The following BRI3 variants were observed in gnomAD, a reference collection of about 807,000 sequenced individuals.
The protein encoded by BRI3 is brain protein I3.
BRI3 carries 6 observed loss-of-function variants against 12.8 expected under a neutral mutation model. The observed-to-expected ratio is 0.47, with a 90% CI of 0.26 to 0.93. The LOEUF (loss-of-function observed/expected upper bound fraction) is 0.93. Ranked by LOEUF, BRI3 falls within the 40% of genes least tolerant of loss-of-function variation. The pLI is 0.15. For synonymous variants in BRI3, 91 were observed against 76.1 expected, an observed-to-expected ratio of 1.20 and a Z score of -1.02; for missense variants, 134 against 171.1, an observed-to-expected ratio of 0.78 and a Z score of 1.21.
Position 98,307,727 on chromosome 7 carries a change from C to A in BRI3, n.357C>A, listed in dbSNP as rs901977066. Reference sequence around the variant, plus strand: ...CGTGTTCTCCATAGAGCCAGCCATCCTTCTCCTCGGGGATGAGCAGCGTGA... The same window carrying A: ...CGTGTTCTCCATAGAGCCAGCCATCATTCTCCTCGGGGATGAGCAGCGTGA... On this transcript the variant is annotated non_coding_transcript_exon_variant, in exon 2 of 2. Coordinates refer to the BRI3 transcript ENST00000485422. The A allele has an allele frequency of 5.0e-6, 8 of 1,614,248 alleles. No homozygotes were observed. Among genetic ancestry groups the A allele is most frequent in the Non-Finnish European group, 5.9e-6 (7 of 1,180,052 alleles).
chr7:98,297,907 A>G (rs1009450807), downstream of BRI3, among the ~76,000 whole-genome samples: 1 of 152,206 alleles, frequency 6.6e-6, no homozygotes, highest in Non-Finnish European at 1.5e-5. Context: ...ATACTTCCTC[A>G]CTTGGAACTG....
At chr7:98,306,227 G>A (rs1345926106), upstream of BRI3, among the ~76,000 whole-genome samples, 1 of 152,142 alleles carries the variant, frequency 6.6e-6, no homozygotes, top group African/African-American at 2.4e-5. Flanking sequence ...CGAGGAGTAG[G>A]TGGCCTGGGC....
the BRI3 span, chr7:98,320,321 T>C: frequency 1.3e-6 from 2 of 1,545,854 alleles, no homozygotes; most frequent in South Asian, 2.4e-5. Context: ...CCAGATATGT[T>C]AGCGGGAAGC....
intron 1 of BRI3, among the ~76,000 whole-genome samples, chr7:98,300,633 C>CCCCGCTAT (rs1384858206): frequency 1.3e-5 from 2 of 152,112 alleles, no homozygotes; most frequent in African/African-American, 2.4e-5. Context: ...TTTCACGAGG[C>CCCCGCTAT]CCCGCTATCC....
At chr7:98,307,914 G>A in exon 2 of BRI3, 2 of 1,612,686 alleles carry the variant, frequency 1.2e-6, no homozygotes, top group Non-Finnish European at 1.7e-6. Context: ...AGGGAGTGTA[G>A]CAGTAATGGC....
downstream of BRI3, among the ~76,000 whole-genome samples, chr7:98,296,722 T>G (rs1441763004): frequency 6.6e-6 from 1 of 152,238 alleles, no homozygotes; most frequent in East Asian, 1.9e-4. Context: ...ATCTGCATGT[T>G]TCTCAGGGAC....
rs993443853 is a variant in BRI3, at chr7:98,281,992, C to G, written c.142+55C>G. Reference sequence around the variant, plus strand: ...CGGCTTCCGAGGTGGCAAGCCCGGTCGGGGGACGTGGGTCCGGAGGCGGGT... The same window carrying G: ...CGGCTTCCGAGGTGGCAAGCCCGGTGGGGGGACGTGGGTCCGGAGGCGGGT... On this transcript the variant is annotated intron_variant, in intron 1 of 2. Transcript: ENST00000297290. 1 of 1,291,100 alleles carries G rather than the reference C, an allele frequency of 7.7e-7. No individual in the cohort carries two copies. Among genetic ancestry groups the G allele is most frequent in the Non-Finnish European group, 9.8e-7 (1 of 1,021,210 alleles). 80.0% of individuals were successfully genotyped at this position (1,291,100 alleles called of 1,614,324 possible). A position where few individuals can be genotyped will look rare whatever the true frequency, so the allele number is the denominator to read the frequency against.
chr7:98,291,008 C>T (rs547621183), intron 2 of BRI3, 103 bp from the exon 3 acceptor site: 2 of 1,361,566 alleles, frequency 1.5e-6, no homozygotes, highest in African/African-American at 2.9e-5. Flanking sequence ...CCCCATGTGA[C>T]TCATGGCCAC....
exon 2 of BRI3, chr7:98,310,003 C>T (rs1352820084): frequency 6.3e-6 from 1 of 159,504 alleles, no homozygotes; most frequent in African/African-American, 2.4e-5. Flanking sequence ...GCAGGCACCA[C>T]CACGCCTGGC....
upstream of BRI3, among the ~76,000 whole-genome samples, chr7:98,303,660 C>T (rs148528539): frequency 3.4e-3 from 512 of 152,246 alleles, 3 homozygotes; most frequent in African/African-American, 0.012. Context: ...GAACTGGTTC[C>T]GGGAGCCCAG....
At chr7:98,292,420 T>C (rs556773670), downstream of BRI3, 2 of 565,316 alleles carry the variant, frequency 3.5e-6, no homozygotes, top group Admixed American at 3.1e-5. Context: ...GTGATCCCCC[T>C]GCCTCGGCCT....
downstream of BRI3, chr7:98,292,543 C>A: frequency 8.3e-7 from 1 of 1,211,586 alleles, no homozygotes; most frequent in Non-Finnish European, 1.2e-6. Flanking sequence ...CAGCCCCGGG[C>A]TCAGGGCAGC....
At chr7:98,292,389 A>G, downstream of BRI3, 1 of 479,102 alleles carries the variant, frequency 2.1e-6, no homozygotes. Context: ...TTGTATTTTT[A>G]GTAGAGACTC....
At chr7:98,315,523 G>C in the BRI3 span, 2 of 1,522,674 alleles carry the variant, frequency 1.3e-6, no homozygotes, top group Non-Finnish European at 1.8e-6. Flanking sequence ...GAAAGCAGAA[G>C]CGCCTCTTCT....
chr7:98,299,366 C>T (rs938128161), intron 1 of BRI3, among the ~76,000 whole-genome samples: 5 of 152,016 alleles, frequency 3.3e-5, no homozygotes, highest in African/African-American at 9.7e-5. Context: ...CTATATTGCC[C>T]AGGCTGATCT....
At chr7:98,310,480 G>T (rs1490041144), downstream of BRI3, 1 of 1,604,200 alleles carries the variant, frequency 6.2e-7, no homozygotes, top group Non-Finnish European at 8.5e-7. Flanking sequence ...ATTCGGGGCA[G>T]CCGTGGCTGG....
downstream of BRI3, among the ~76,000 whole-genome samples, chr7:98,294,956 C>G (rs1800123673): frequency 6.6e-6 from 1 of 152,218 alleles, no homozygotes; most frequent in South Asian, 2.1e-4. Context: ...GGGTTTAACA[C>G]TCTTTCCTGC....
chr7:98,293,587 G>A, downstream of BRI3: 1 of 1,613,756 alleles, frequency 6.2e-7, no homozygotes, highest in South Asian at 1.1e-5. Context: ...TGGCAAAGGG[G>A]TTTTCTCCGC....
chr7:98,289,139 G>A (rs561356507), intron 2 of BRI3, among the ~76,000 whole-genome samples: 121 of 152,176 alleles, frequency 8.0e-4, no homozygotes, highest in African/African-American at 2.5e-3. Context: ...TGTATTTTTA[G>A]TAGAAACGCG....
Sources: gnomAD v4.1 joint callset for allele counts (sites outside exome capture counted in the v4.1 genomes callset) on GRCh38, gnomAD v4.1.1 for gene constraint, MANE v1.5 for transcripts, NCBI Gene and HGNC (gene_info 2026-07-23, HGNC 2026-07-21) for gene names.